The following MFHAS1 variants were observed in gnomAD, a reference collection of about 807,000 sequenced individuals.
The protein encoded by MFHAS1 is multifunctional ROCO family signaling regulator 1.
Under a neutral mutation model 70.4 loss-of-function variants are expected in MFHAS1, and 50 were observed. The observed-to-expected ratio is 0.71, with a 90% CI of 0.57 to 0.90. MFHAS1 has a LOEUF of 0.90. MFHAS1 is among the 40% of genes least tolerant of loss of function. The pLI, the probability that MFHAS1 is intolerant of heterozygous loss-of-function variation, is 0.00. For synonymous variants in MFHAS1, 952 were observed against 620.0 expected, an observed-to-expected ratio of 1.54 and a Z score of -7.96; for missense variants, 1,795 against 1,347.6, an observed-to-expected ratio of 1.33 and a Z score of -5.20.
chr8:8,791,618 G>C (rs1805722382), intron 2 of MFHAS1, among the ~76,000 whole-genome samples: 1 of 152,072 alleles, frequency 6.6e-6, no homozygotes, highest in Non-Finnish European at 1.5e-5. Flanking sequence ...TGGAATATTG[G>C]GTCTCAACCT....
At chr8:8,826,162 C>T (rs1385654286) in intron 1 of MFHAS1, among the ~76,000 whole-genome samples, 1 of 152,148 alleles carries the variant, frequency 6.6e-6, no homozygotes, top group Non-Finnish European at 1.5e-5. Flanking sequence ...CCACCTTCCT[C>T]CTGACGGCCA....
intron 1 of MFHAS1, among the ~76,000 whole-genome samples, chr8:8,825,034 G>A (rs541619684): frequency 6.6e-6 from 1 of 152,236 alleles, no homozygotes; most frequent in African/African-American, 2.4e-5. Flanking sequence ...AGCTAAGTCA[G>A]TGCAATCTCA....
Position 8,892,565 on chromosome 8 carries a change from A to G in MFHAS1, c.494T>C (p.Val165Ala). 6.2e-7 allele frequency: 1 copy of G among 1,605,690 alleles called. No homozygotes were observed. Among genetic ancestry groups the G allele is most frequent in the Middle Eastern group, 1.7e-4 (1 of 6,034 alleles). Reference protein sequence around the residue: ...GALAHLEELDVSFNRLAHLPD... With the variant: ...GALAHLEELDASFNRLAHLPD... ...CAGGTGCGCCAGCCGGTTAAAGCTG[A>G]CATCCAGCTCCTCCAGGTGAGCGAG... The change falls in exon 1 of 3, where the codon GTC becomes GCC. Residue 165 changes from valine to alanine, a missense_variant. Coordinates refer to ENST00000276282, the MANE Select transcript of MFHAS1 (RefSeq NM_004225.3). This position sits in a 1 kb window ranked among gnomAD's most constrained non-coding sequence, Gnocchi z 4.7.
chr8:8,812,406 T>C (rs956425404), intron 1 of MFHAS1, among the ~76,000 whole-genome samples: 21 of 152,162 alleles, frequency 1.4e-4, no homozygotes, highest in African/African-American at 5.1e-4. Context: ...TCTGGAGATC[T>C]TTCTTTCTGC....
At chr8:8,855,168 G>C (rs767692560) in intron 1 of MFHAS1, among the ~76,000 whole-genome samples, 4 of 152,160 alleles carry the variant, frequency 2.6e-5, no homozygotes, top group Admixed American at 6.5e-5. Flanking sequence ...GCCCAGGCTG[G>C]TCTCGAACTC....
intron 1 of MFHAS1, among the ~76,000 whole-genome samples, chr8:8,885,919 C>G (rs935274031): frequency 6.6e-6 from 1 of 152,146 alleles, no homozygotes; most frequent in Non-Finnish European, 1.5e-5. Flanking sequence ...ACCAGGTTGA[C>G]CAGGCTAGGA....
intron 2 of MFHAS1, among the ~76,000 whole-genome samples, chr8:8,789,090 G>A (rs1805644137): frequency 6.6e-6 from 1 of 152,022 alleles, no homozygotes; most frequent in Non-Finnish European, 1.5e-5. Context: ...GCAGCCAGCT[G>A]AGACTCAGTC....
rs551569691 is a variant in MFHAS1 at position 8,806,065 on chromosome 8, A to G, written c.2999-8574T>C. On this transcript the variant is annotated intron_variant, in intron 1 of 2. Coordinates refer to ENST00000276282, the MANE Select transcript of MFHAS1 (RefSeq NM_004225.3). ...TCATACAAATCCAATCCTCTGTAGC[A>G]TTGTTCCCTACGTCTTCCTCATGCC... 7.6e-4 allele frequency among the ~76,000 whole-genome samples: 115 copies of G among 152,246 alleles called. 1 individual carries two copies. Among genetic ancestry groups the G allele is most frequent in the Non-Finnish European group, 1.1e-3 (76 of 68,018 alleles).
At chr8:8,870,553 T>C (rs1355532607) in intron 1 of MFHAS1, among the ~76,000 whole-genome samples, 39 of 152,134 alleles carry the variant, frequency 2.6e-4, no homozygotes, top group Non-Finnish European at 2.9e-5. Flanking sequence ...CAGTAATTTG[T>C]ACAGCCCATC....
At chr8:8,817,472 G>T (rs1806790235) in intron 1 of MFHAS1, among the ~76,000 whole-genome samples, 1 of 152,224 alleles carries the variant, frequency 6.6e-6, no homozygotes, top group Admixed American at 6.5e-5. Context: ...CTCTCTCTGA[G>T]GCTTTCAACA....
chr8:8,855,974 G>A (rs1444242282), intron 1 of MFHAS1, among the ~76,000 whole-genome samples: 1 of 152,252 alleles, frequency 6.6e-6, no homozygotes, highest in African/African-American at 2.4e-5. Context: ...CAGAAACACA[G>A]ATGAGAAAAG....
chr8:8,810,365 G>T (rs1806500906), intron 1 of MFHAS1, among the ~76,000 whole-genome samples: 1 of 151,968 alleles, frequency 6.6e-6, no homozygotes, highest in African/African-American at 2.4e-5. Flanking sequence ...GACCGTCTTG[G>T]GAAAAAACAA....
intron 1 of MFHAS1, among the ~76,000 whole-genome samples, chr8:8,886,543 G>A (rs545224333): frequency 1.3e-3 from 204 of 152,168 alleles, no homozygotes; most frequent in African/African-American, 4.7e-3. Context: ...ACTACAGTAG[G>A]GCAGCTCAGG....
chr8:8,797,599 G>A, intron 1 of MFHAS1, 108 bp from the exon 2 acceptor site: 3 of 1,232,486 alleles, frequency 2.4e-6, no homozygotes, highest in Non-Finnish European at 3.4e-6. Flanking sequence ...AAGGGCAGAG[G>A]TGAAGCAACG....
chr8:8,883,041 T>C (rs953994509), intron 1 of MFHAS1, among the ~76,000 whole-genome samples: 2 of 152,048 alleles, frequency 1.3e-5, no homozygotes, highest in Admixed American at 1.3e-4. Flanking sequence ...TAGTCCCAGC[T>C]ATTCAGGAGG....
At chr8:8,799,402 T>C (rs543290545) in intron 1 of MFHAS1, among the ~76,000 whole-genome samples, 1 of 152,322 alleles carries the variant, frequency 6.6e-6, no homozygotes, top group East Asian at 1.9e-4. Flanking sequence ...AGTGAAACCA[T>C]GGATAAGGGG....
intron 1 of MFHAS1, among the ~76,000 whole-genome samples, chr8:8,846,347 G>T (rs1409491571): frequency 2.4e-5 from 3 of 126,540 alleles, no homozygotes; most frequent in East Asian, 2.7e-4. Context: ...GGGAGGAGGG[G>T]GAGGAGGGGG....
chr8:8,874,384 T>C (rs1468411126), intron 1 of MFHAS1, among the ~76,000 whole-genome samples: 24 of 151,430 alleles, frequency 1.6e-4, no homozygotes, highest in Non-Finnish European at 2.9e-5. Context: ...ATAATAATCT[T>C]CTATAACAGG....
At position 8,891,312 on chromosome 8, in the gene MFHAS1, C is replaced by G; in HGVS notation, c.1747G>C (p.Asp583His). The change falls in exon 1 of 3, where the codon GAC becomes CAC. Residue 583 changes from aspartate to histidine, a missense_variant. Asp to His is a moderately conservative substitution (Grantham distance 81, BLOSUM62 -1). Coordinates refer to ENST00000276282, the MANE Select transcript of MFHAS1 (RefSeq NM_004225.3). This position sits in a 1 kb window ranked among gnomAD's most constrained non-coding sequence, Gnocchi z 5.4. The stretch of plus-strand genomic sequence containing the variant: ...GGGCTGGCAGAGCGCAGCTCGAAGT[C>G]CCGGGCCAGTGCCTCGTCCACCACC... ...AKVVDEALARDFELRSASPHA... is the reference protein window; with the variant it reads ...AKVVDEALARHFELRSASPHA... 1 of 1,611,318 alleles carries G rather than the reference C, an allele frequency of 6.2e-7. No homozygotes were observed. Among genetic ancestry groups the G allele is most frequent in the East Asian group, 2.2e-5 (1 of 44,876 alleles).
Sources: allele counts gnomAD v4.1 joint callset (sites outside exome capture counted in the v4.1 genomes callset), GRCh38; gene constraint gnomAD v4.1.1; non-coding constraint Gnocchi (gnomAD v3.1); transcripts MANE v1.5; gene names NCBI Gene and HGNC (gene_info 2026-07-23, HGNC 2026-07-21).